CYP7A1: variants seen among roughly 807,000 people sequenced by gnomAD.
CYP7A1 encodes the protein cytochrome P450 7A1.
CYP7A1 carries 28 observed loss-of-function variants against 43.8 expected under a neutral mutation model. The observed-to-expected ratio is 0.64, with a 90% CI of 0.47 to 0.88. The LOEUF is 0.88. Ranked by LOEUF, CYP7A1 falls within the 40% of genes least tolerant of loss-of-function variation. The pLI, the probability that CYP7A1 is intolerant of heterozygous loss-of-function variation, is 0.00. For synonymous variants in CYP7A1, 227 were observed against 222.5 expected (o/e 1.02, Z -0.18); for missense variants, 637 against 611.9 (o/e 1.04, Z -0.43).
At position 58,498,426 on chromosome 8, in the gene CYP7A1, G is replaced by C. The variant is rs1429939198; in HGVS notation, c.124C>G (p.Leu42Val). The C allele has an allele frequency of 6.2e-7, 1 of 1,614,064 alleles. No homozygotes were observed. Among genetic ancestry groups the C allele is most frequent in the South Asian group, 1.1e-5 (1 of 91,082 alleles). The stretch of plus-strand genomic sequence containing the variant: ...GCACCAAATTGCAGAGCACAGCCCA[G>C]GTATGGAATTAATCCATTCTCTAGA... ...PPLENGLIPYLGCALQFGANP... is the reference protein window; with the variant it reads ...PPLENGLIPYVGCALQFGANP... Residue 42 changes from leucine to valine, a missense_variant, in exon 2 of 6, where the codon CTG becomes GTG. Physicochemically the swap from Leu to Val is conservative, Grantham distance 32 (BLOSUM62 1). Coordinates refer to ENST00000301645, the MANE Select transcript of CYP7A1 (RefSeq NM_000780.4).
At chr8:58,495,351 G>A (rs1414715954) in intron 3 of CYP7A1, among the ~76,000 whole-genome samples, 4 of 151,520 alleles carry the variant, frequency 2.6e-5, no homozygotes, top group Admixed American at 1.3e-4. Context: ...TCAGCCTCCC[G>A]AGTAGCTGGG....
chr8:58,491,538 T>C lies in CYP7A1; in HGVS notation c.1452A>G (p.Ala484=), dbSNP rs1585640463. Residue 484 remains alanine (A), a synonymous_variant, in exon 6 of 6, where the codon GCA becomes GCG. Transcript: ENST00000301645. ...AKCPPLDQSR[A]GLGILPPLND... ...TCAATGGCGGCAAAATGCCCAAGCC[T>C]GCCCGGGACTGGTCCAAAGGTGGAC... The C allele has an allele frequency of 6.2e-7, 1 of 1,614,216 alleles. No homozygotes were observed. Among genetic ancestry groups the C allele is most frequent in the Non-Finnish European group, 8.5e-7 (1 of 1,180,036 alleles).
chr8:58,492,435 G>C lies in CYP7A1; in HGVS notation c.1133C>G (p.Ser378Cys). 1 of 1,613,958 alleles carries C rather than the reference G, an allele frequency of 6.2e-7. No individual in the cohort carries two copies. Among genetic ancestry groups the C allele is most frequent in the Non-Finnish European group, 8.5e-7 (1 of 1,179,854 alleles). The change falls in exon 5 of 6, where the codon TCC (serine) becomes TGC (cysteine). Residue 378 changes from serine (S) to cysteine (C), a missense_variant. Ser to Cys is a moderately radical substitution (Grantham distance 112, BLOSUM62 -1). Transcript: ENST00000301645. Reference protein sequence around the residue: ...EDFTLHLEDGSYNIRKDDIIA... With the variant: ...EDFTLHLEDGCYNIRKDDIIA... ...GATGTCATCTTTTCGGATGTTGTAGGAACCGTCCTCAAGGTGCAAAGTGAA... is the reference window on the plus strand; with the variant it reads ...GATGTCATCTTTTCGGATGTTGTAGCAACCGTCCTCAAGGTGCAAAGTGAA...
At chr8:58,492,970 T>C (rs907002314) in intron 4 of CYP7A1, among the ~76,000 whole-genome samples, 2 of 152,180 alleles carry the variant, frequency 1.3e-5, no homozygotes, top group African/African-American at 2.4e-5. Context: ...AGGGTTTTGC[T>C]ATGTTGCCCA....
intron 1 of CYP7A1, among the ~76,000 whole-genome samples, chr8:58,499,306 T>A (rs1259012560): frequency 6.6e-6 from 1 of 152,234 alleles, no homozygotes; most frequent in Non-Finnish European, 1.5e-5. Flanking sequence ...GGTTATTTTC[T>A]CTTTTTGAGA....
Position 58,497,459 on chromosome 8 carries a change from T to C in CYP7A1, c.322-269A>G, listed in dbSNP as rs4738687. ...TGCACTTATTTACAGCTATTGCACA[T>C]AAACTAATTGATAATGTTTTAAAAT... On this transcript the variant is annotated intron_variant, in intron 2 of 5. Transcript: ENST00000301645. 0.35 allele frequency among the ~76,000 whole-genome samples: 53,089 copies of C among 152,110 alleles called. 9,834 individuals carry two copies. Among genetic ancestry groups the C allele is most frequent in the Admixed American group, 0.5 (7,708 of 15,284 alleles).
chr8:58,495,215 T>TTTTATTTATTTATTTATTTATTTA (rs1554558469), intron 3 of CYP7A1, among the ~76,000 whole-genome samples: 10,972 of 143,210 alleles, frequency 0.077, 776 homozygotes, highest in African/African-American at 0.18. Context: ...TTTATTTTAT[T>TTTTATTTATTTATTTATTTATTTA]TTTATTTATT....
At position 58,494,628 on chromosome 8, in the gene CYP7A1, T is replaced by G. The variant is rs773883139; in HGVS notation, c.917A>C (p.Glu306Ala). The G allele has an allele frequency of 2.5e-6, 4 of 1,613,952 alleles. No individual in the cohort carries two copies. Among genetic ancestry groups the G allele is most frequent in the Non-Finnish European group, 3.4e-6 (4 of 1,179,958 alleles). ...TTCTTCAGTAGCTGCTTTCATTGCT[T>G]CTGGGTTCCTATTAAAAGGTAAGAG... ...WSLFQMIRNPEAMKAATEEVK... is the reference protein window; with the variant it reads ...WSLFQMIRNPAAMKAATEEVK... The change falls in exon 4 of 6, where the codon GAA (glutamate) becomes GCA (alanine). Residue 306 changes from glutamate to alanine, a missense_variant. Physicochemically the swap from Glu to Ala is moderately radical, Grantham distance 107 (BLOSUM62 -1). Transcript: ENST00000301645.
Position 58,490,355 on chromosome 8 carries a change from A to G in CYP7A1, c.*1120T>C, listed in dbSNP as rs1352526859. 1 of 152,206 alleles carries G rather than the reference A, an allele frequency of 6.6e-6. No homozygotes were observed. The highest frequency in any genetic ancestry group is 1.5e-5 in the Non-Finnish European group (1 of 68,036). 9.4% of individuals were successfully genotyped at this position (152,206 alleles called of 1,614,324 possible). A position where few individuals can be genotyped will look rare whatever the true frequency, so the allele number is the denominator to read the frequency against. On this transcript the variant is annotated 3_prime_UTR_variant, in exon 6 of 6. Transcript: ENST00000301645. ...CATACTTAAAATATTTTATCAAAGC[A>G]TTGTTGTACACAGCATTTAAACACT...
chr8:58,491,496 T>A lies in CYP7A1; in HGVS notation c.1494A>T (p.Lys498Asn), dbSNP rs749635200. The change falls in exon 6 of 6, where the codon AAA (lysine) becomes AAT (asparagine). Residue 498 changes from lysine to asparagine, a missense_variant. Lys to Asn is a moderately conservative substitution (Grantham distance 94). Transcript: ENST00000301645. ...ILPPLNDIEF[K>N]YKFKHL ...GTATTCACAAATGCTTGAATTTATATTTAAATTCAATATCATTCAATGGCG... is the reference window on the plus strand; with the variant it reads ...GTATTCACAAATGCTTGAATTTATAATTAAATTCAATATCATTCAATGGCG... 6 of 1,614,000 alleles carry A rather than the reference T, an allele frequency of 3.7e-6. No homozygotes were observed. In the African/African-American group the frequency reaches 5.3e-5, roughly 14 times the overall value.
Position 58,498,450 on chromosome 8 carries a change from G to C in CYP7A1, c.100C>G (p.Leu34Val), listed in dbSNP as rs1295805340. 2 of 1,614,094 alleles carry C rather than the reference G, an allele frequency of 1.2e-6. No homozygotes were observed. The highest frequency in any genetic ancestry group is 1.1e-5 in the South Asian group (1 of 91,082). The part of the protein sequence containing the change: ...IRRRQTGEPP[L>V]ENGLIPYLGC... Reference sequence around the variant, plus strand: ...AGGTATGGAATTAATCCATTCTCTAGAGGTGGTTCACCCGTTTGCCTGTCA... The same window carrying C: ...AGGTATGGAATTAATCCATTCTCTACAGGTGGTTCACCCGTTTGCCTGTCA... Residue 34 changes from leucine (L) to valine (V), a missense_variant, in exon 2 of 6, where the codon CTA (leucine) becomes GTA (valine). Transcript: ENST00000301645.
chr8:58,499,166 ATAAAG>A (rs1446400938), intron 1 of CYP7A1, among the ~76,000 whole-genome samples: 1 of 152,254 alleles, frequency 6.6e-6, no homozygotes, highest in East Asian at 1.9e-4. Flanking sequence ...ATAATACAGT[ATAAAG>A]TAATTACCTT....
chr8:58,498,294 G>T lies in CYP7A1; in HGVS notation c.256C>A (p.His86Asn), dbSNP rs62621283. Residue 86 changes from histidine (H) to asparagine (N), a missense_variant, in exon 2 of 6, where the codon CAT becomes AAT. His to Asn is a moderately conservative substitution (Grantham distance 68, BLOSUM62 1). Transcript: ENST00000301645. ...TATTTTCCGTGGCACAACACCTTAT[G>T]GTATGACAAGGGATTTGTGATGAAA... is the stretch of plus-strand genomic sequence containing the variant. ...VHFITNPLSY[H>N]KVLCHGKYFD... 1,013 of 1,614,024 alleles carry T rather than the reference G, an allele frequency of 6.3e-4. 4 individuals are homozygous for T. The African/African-American group carries it at 0.013, about 20-fold the overall frequency.
chr8:58,493,435 C>T (rs1478509756), intron 4 of CYP7A1, among the ~76,000 whole-genome samples: 1 of 152,180 alleles, frequency 6.6e-6, no homozygotes, highest in East Asian at 1.9e-4. Context: ...AAAGAACCAA[C>T]CTGAAAATGG....
At position 58,497,110 on chromosome 8, in the gene CYP7A1, C is replaced by T. The variant is rs201494047; in HGVS notation, c.402G>A (p.Gln134=). 16 of 1,600,284 alleles carry T rather than the reference C, an allele frequency of 1.0e-5. No homozygotes were observed. The South Asian group carries it at 1.6e-4, about 16-fold the overall frequency. ...NINDTFIKTL[Q]GHALNSLTES... is the part of the protein sequence containing the mutation. Reference sequence around the variant, plus strand: ...CCGTGAGGGAATTCAAGGCATGGCCCTGCAGGGTTTTGATGAAAGTGTCGT... The same window carrying T: ...CCGTGAGGGAATTCAAGGCATGGCCTTGCAGGGTTTTGATGAAAGTGTCGT... Residue 134 remains glutamine, a synonymous_variant, in exon 3 of 6, where the codon CAG becomes CAA. Transcript: ENST00000301645.
rs1301765907 is a variant in CYP7A1, at chr8:58,497,164, CG to C, written c.347del (p.Pro116ArgfsTer10). On this transcript the variant is annotated frameshift_variant, in exon 3 of 6. Transcript: ENST00000301645. LOFTEE classifies it high-confidence loss of function. Reference sequence around the variant, plus strand: ...TGTTTTCAGTGGTATTTCCATCCATCGGGTCAATGCTTCTGTGCCCAAATGC... The same window carrying C: ...TGTTTTCAGTGGTATTTCCATCCATCGGTCAATGCTTCTGTGCCCAAATGC... ...AKAFGHRSID[P>X]MDGNTTENIN... 4 of 1,599,188 alleles carry C rather than the reference CG, an allele frequency of 2.5e-6. No homozygotes were observed. The highest frequency in any genetic ancestry group is 1.7e-5 in the Admixed American group (1 of 59,984).
intron 2 of CYP7A1, 147 bp downstream of exon 2, chr8:58,498,078 AATTT>A (rs916200773): frequency 1.0e-5 from 9 of 859,192 alleles, no homozygotes; most frequent in African/African-American, 6.9e-5. Flanking sequence ...AGCTACGTAT[AATTT>A]ATTTATGTTT....
intron 3 of CYP7A1, 78 bp from the exon 4 acceptor site, chr8:58,494,714 C>T (rs2129605832): frequency 7.3e-7 from 1 of 1,363,396 alleles, no homozygotes; most frequent in Non-Finnish European, 1.0e-6. Flanking sequence ...AACAAATAGG[C>T]CTTTCCCCCT....
rs370924818 is a variant in CYP7A1 at position 58,496,780 on chromosome 8, G to C, written c.732C>G (p.His244Gln). 5.0e-6 allele frequency: 8 copies of C among 1,614,082 alleles called. No homozygotes were observed. In the South Asian group the frequency reaches 5.5e-5, roughly 11 times the overall value. Residue 244 changes from histidine to glutamine, a missense_variant, in exon 3 of 6, where the codon CAC becomes CAG. Physicochemically the swap from His to Gln is conservative, Grantham distance 24 (BLOSUM62 0). Transcript: ENST00000301645. ...TGCTTTCCCTCTTTTGGAGGTTCTC[G>C]TGCCTCAAGCTCTCTGCCAGTTTCT... is the stretch of plus-strand genomic sequence containing the variant. ...AREKLAESLRHENLQKRESIS... is the reference protein window; with the variant it reads ...AREKLAESLRQENLQKRESIS...
Sources: gnomAD v4.1 joint callset for allele counts (sites outside exome capture counted in the v4.1 genomes callset) on GRCh38, gnomAD v4.1.1 for gene constraint, MANE v1.5 for transcripts, NCBI Gene and HGNC (gene_info 2026-07-23, HGNC 2026-07-21) for gene names.